TBC1D1: variants seen among roughly 807,000 people sequenced by gnomAD.
TBC1D1 encodes the protein TBC1 (tre-2/USP6, BUB2, cdc16) domain family, member 1.
Under a neutral mutation model 125.6 loss-of-function variants are expected in TBC1D1, and 89 were observed. The ratio of observed to expected loss-of-function variants is 0.71; its 90% CI spans 0.60 to 0.85. TBC1D1 has a LOEUF of 0.85. Ranked by LOEUF, TBC1D1 falls within the 40% of genes least tolerant of loss-of-function variation. TBC1D1 has a pLI of 0.00. For missense variants in TBC1D1, 1,377 were observed against 1,469.2 expected (o/e 0.94, Z 1.03); for synonymous variants, 565 against 564.1 (o/e 1.00, Z -0.02).
intron 14 of TBC1D1, among the ~76,000 whole-genome samples, chr4:38,101,069 A>G (rs1351705611): frequency 6.6e-6 from 1 of 152,144 alleles, no homozygotes; most frequent in Non-Finnish European, 1.5e-5. Context: ...TTAGAGGGTT[A>G]TGAGTATGGT....
intron 15 of TBC1D1, among the ~76,000 whole-genome samples, chr4:38,105,432 A>G (rs1761136842): frequency 6.6e-6 from 1 of 151,936 alleles, no homozygotes; most frequent in South Asian, 2.1e-4. Flanking sequence ...CGGAAGCTGC[A>G]CTTTTTTTTC....
At chr4:38,085,974 G>C (rs1306831804) in intron 12 of TBC1D1, among the ~76,000 whole-genome samples, 1 of 152,154 alleles carries the variant, frequency 6.6e-6, no homozygotes, top group Non-Finnish European at 1.5e-5. Context: ...AAAGCCTTGT[G>C]CCCAGTCTGG....
At chr4:37,932,143 C>A (rs1028290131) in intron 2 of TBC1D1, among the ~76,000 whole-genome samples, 1 of 152,184 alleles carries the variant, frequency 6.6e-6, no homozygotes, top group Non-Finnish European at 1.5e-5. Context: ...AGCTATGAAA[C>A]CTAACTCCCA....
intron 2 of TBC1D1, among the ~76,000 whole-genome samples, chr4:37,974,154 T>A (rs1165866586): frequency 6.6e-6 from 1 of 152,204 alleles, no homozygotes; most frequent in Non-Finnish European, 1.5e-5. Context: ...GCAGGGAATA[T>A]CACTGCTTAA....
intron 2 of TBC1D1, among the ~76,000 whole-genome samples, chr4:37,942,431 AT>A (rs144320203): frequency 0.097 from 14,807 of 151,976 alleles, 782 homozygotes; most frequent in African/African-American, 0.14. Flanking sequence ...TGCATGTAAG[AT>A]GGGTCTCCCG....
Position 38,020,641 on chromosome 4 carries a change from A to G in TBC1D1, c.1023A>G (p.Gly341=). 1.2e-6 allele frequency: 2 copies of G among 1,613,280 alleles called. No homozygotes were observed. Among genetic ancestry groups the G allele is most frequent in the Non-Finnish European group, 1.7e-6 (2 of 1,179,510 alleles). ...GGTTTATCTGTCGGGAGTCTTCCGGAGGTGGCGGCTTTCATTTTGTCTGTT... is the reference window on the plus strand; with the variant it reads ...GGTTTATCTGTCGGGAGTCTTCCGGGGGTGGCGGCTTTCATTTTGTCTGTT... The change falls in exon 5 of 20, where the codon GGA becomes GGG. Residue 341 remains glycine (G), a synonymous_variant. Transcript: ENST00000261439.
chr4:37,936,734 G>A (rs1045934929), intron 2 of TBC1D1, among the ~76,000 whole-genome samples: 6 of 152,210 alleles, frequency 3.9e-5, no homozygotes, highest in African/African-American at 1.2e-4. Flanking sequence ...CAGGGTCTGG[G>A]AAGAAGTGAG....
intron 18 of TBC1D1, 29 bp from the exon 21 acceptor site, chr4:38,133,055 G>A: frequency 6.3e-7 from 1 of 1,594,572 alleles, no homozygotes; most frequent in South Asian, 1.1e-5. Context: ...CTCAGTTTTA[G>A]TACGTGATGA....
At chr4:38,018,190 G>A (rs1184450146) in intron 3 of TBC1D1, among the ~76,000 whole-genome samples, 164 bp from the exon 4 acceptor site, 3 of 152,214 alleles carry the variant, frequency 2.0e-5, no homozygotes, top group African/African-American at 7.2e-5. Context: ...ACTAATAGAT[G>A]TGTCTTATGA....
At chr4:38,094,548 G>A (rs1243679404) in intron 13 of TBC1D1, among the ~76,000 whole-genome samples, 2 of 152,162 alleles carry the variant, frequency 1.3e-5, no homozygotes, top group African/African-American at 2.4e-5. Flanking sequence ...CATTTTGGAG[G>A]CCACTGATTT....
At chr4:37,948,397 G>T (rs892206989) in intron 2 of TBC1D1, among the ~76,000 whole-genome samples, 3 of 152,158 alleles carry the variant, frequency 2.0e-5, no homozygotes, top group Non-Finnish European at 4.4e-5. Context: ...GGAGGCCAAG[G>T]TGGGTGGATC....
intron 12 of TBC1D1, among the ~76,000 whole-genome samples, chr4:38,057,686 T>C (rs968198909): frequency 6.6e-6 from 1 of 152,236 alleles, no homozygotes; most frequent in African/African-American, 2.4e-5. Flanking sequence ...TTATGCTCTT[T>C]TTATACTCTG....
intron 18 of TBC1D1, among the ~76,000 whole-genome samples, chr4:38,129,632 CCAT>C (rs1253098014): frequency 6.6e-6 from 1 of 152,104 alleles, no homozygotes; most frequent in Non-Finnish European, 1.5e-5. Flanking sequence ...GTTCTGCAAA[CCAT>C]CAGGGTTCAT....
chr4:38,135,872 A>ATG (rs386399821), intron 19 of TBC1D1, among the ~76,000 whole-genome samples: 3,024 of 129,424 alleles, frequency 0.023, 91 homozygotes, highest in African/African-American at 0.073. Flanking sequence ...GTGTATATAT[A>ATG]TGTGTGTGTG....
chr4:37,976,198 T>C (rs377766115), intron 2 of TBC1D1, among the ~76,000 whole-genome samples: 1 of 152,344 alleles, frequency 6.6e-6, no homozygotes, highest in African/African-American at 2.4e-5. Context: ...ACAGAGGCCC[T>C]GAGTCCAGCA....
At chr4:38,117,302 A>G (rs1763138229) in intron 16 of TBC1D1, among the ~76,000 whole-genome samples, 1 of 151,728 alleles carries the variant, frequency 6.6e-6, no homozygotes, top group Non-Finnish European at 1.5e-5. Context: ...CTTTAGGCTC[A>G]GGCCGTGGCA....
At chr4:37,981,750 C>G (rs1734375637) in intron 2 of TBC1D1, among the ~76,000 whole-genome samples, 1 of 151,998 alleles carries the variant, frequency 6.6e-6, no homozygotes, top group African/African-American at 2.4e-5. Context: ...GCTCCATAGG[C>G]TTAGAATGGG....
intron 2 of TBC1D1, among the ~76,000 whole-genome samples, chr4:37,943,125 G>T (rs1287286548): frequency 6.6e-6 from 1 of 152,184 alleles, no homozygotes; most frequent in African/African-American, 2.4e-5. Context: ...GAAATTCTGG[G>T]TTGAAAATTA....
At chr4:38,132,975 C>G in intron 18 of TBC1D1, 109 bp from the exon 21 acceptor site, 1 of 864,684 alleles carries the variant, frequency 1.2e-6, no homozygotes, top group Non-Finnish European at 1.8e-6. Flanking sequence ...TAGAGCTAAG[C>G]GTAGAGGAGA....
Sources: gnomAD v4.1 joint callset for allele counts (sites outside exome capture counted in the v4.1 genomes callset) on GRCh38, gnomAD v4.1.1 for gene constraint, MANE v1.5 for transcripts, NCBI Gene and HGNC (gene_info 2026-07-23, HGNC 2026-07-21) for gene names.